PRKRIP1: variants seen among roughly 807,000 people sequenced by gnomAD.
PRKRIP1 encodes the protein PRKR interacting protein 1.
Under a neutral mutation model 29.3 loss-of-function variants are expected in PRKRIP1, and 29 were observed. The observed-to-expected ratio is 0.99, with a 90% CI of 0.74 to 1.35. The LOEUF (loss-of-function observed/expected upper bound fraction) is 1.35, where lower values mean the gene tolerates loss of function less well. Ranked by LOEUF, PRKRIP1 falls within the 40% of genes most tolerant of loss-of-function variation. The probability of loss-of-function intolerance (pLI) is 0.00; values close to 1 mark genes in which losing one functional copy is unlikely to be tolerated. For synonymous variants in PRKRIP1, 90 were observed against 85.1 expected, an observed-to-expected ratio of 1.06 and a Z score of -0.32; for missense variants, 247 against 236.8, an observed-to-expected ratio of 1.04 and a Z score of -0.28.
At chr7:102,400,603 C>G (rs1001444623) in intron 3 of PRKRIP1, among the ~76,000 whole-genome samples, 2 of 152,016 alleles carry the variant, frequency 1.3e-5, no homozygotes, top group African/African-American at 4.8e-5. Flanking sequence ...ACTGTACACT[C>G]GAGATCTGGG....
chr7:102,404,575 A>C, intron 3 of PRKRIP1, 23 bp from the exon 4 acceptor site: 1 of 1,604,238 alleles, frequency 6.2e-7, no homozygotes, highest in Non-Finnish European at 8.5e-7. Context: ...GAGCGTGTCT[A>C]AATGATGTGG....
intron 5 of PRKRIP1, among the ~76,000 whole-genome samples, chr7:102,416,127 A>G (rs545159472): frequency 6.6e-6 from 1 of 152,264 alleles, no homozygotes; most frequent in South Asian, 2.1e-4. Flanking sequence ...AGCCTGCCCC[A>G]TGGGGTTGTG....
At chr7:102,410,755 G>C (rs1796360087) in intron 5 of PRKRIP1, among the ~76,000 whole-genome samples, 1 of 152,112 alleles carries the variant, frequency 6.6e-6, no homozygotes, top group Admixed American at 6.5e-5. Flanking sequence ...GATTTTTGGA[G>C]GCCCTTACTC....
intron 4 of PRKRIP1, 102 bp downstream of exon 4, chr7:102,404,785 G>A: frequency 5.0e-6 from 4 of 800,136 alleles, no homozygotes; most frequent in Non-Finnish European, 6.1e-6. Context: ...TGACCTGTAG[G>A]GGTCATGAAT....
At chr7:102,422,363 GT>G (rs1796717580) in intron 5 of PRKRIP1, among the ~76,000 whole-genome samples, 1 of 149,976 alleles carries the variant, frequency 6.7e-6, no homozygotes, top group Non-Finnish European at 1.5e-5. Context: ...CTGAGACAGA[GT>G]TTCACTCTTG....
intron 5 of PRKRIP1, among the ~76,000 whole-genome samples, chr7:102,418,119 G>A (rs994402169): frequency 2.9e-4 from 43 of 150,422 alleles, no homozygotes; most frequent in African/African-American, 9.6e-4. Flanking sequence ...GTGCGATCTC[G>A]GCTCACTGCA....
chr7:102,402,455 T>TG (rs1347712089), intron 3 of PRKRIP1, among the ~76,000 whole-genome samples: 1 of 129,676 alleles, frequency 7.7e-6, no homozygotes, highest in East Asian at 2.3e-4. Flanking sequence ...AGAAAGGGGG[T>TG]GGGGGGTGGA....
At position 102,425,036 on chromosome 7, in the gene PRKRIP1, G is replaced by C; in HGVS notation, c.480G>C (p.Gln160His). ...KQEGPGQPKEQGSSSSAEASG... is the reference protein window; with the variant it reads ...KQEGPGQPKEHGSSSSAEASG... ...CAGGACCCGGTCAGCCCAAGGAGCAGGGGTCCAGCAGCTCTGCGGAGGCAT... is the reference window on the plus strand; with the variant it reads ...CAGGACCCGGTCAGCCCAAGGAGCACGGGTCCAGCAGCTCTGCGGAGGCAT... The change falls in exon 6 of 6, where the codon CAG becomes CAC. Residue 160 changes from glutamine (Q) to histidine (H), a missense_variant. Transcript: ENST00000397912. The C allele has an allele frequency of 6.2e-7, 1 of 1,613,818 alleles. No homozygotes were observed. Among genetic ancestry groups the C allele is most frequent in the Non-Finnish European group, 8.5e-7 (1 of 1,179,948 alleles).
chr7:102,420,844 A>G (rs1191037837), intron 5 of PRKRIP1, among the ~76,000 whole-genome samples: 1 of 152,180 alleles, frequency 6.6e-6, no homozygotes, highest in Non-Finnish European at 1.5e-5. Context: ...GCAGATACAC[A>G]ACACGGATTA....
chr7:102,408,772 G>C (rs1273816378), intron 5 of PRKRIP1, among the ~76,000 whole-genome samples: 1 of 152,202 alleles, frequency 6.6e-6, no homozygotes, highest in Non-Finnish European at 1.5e-5. Context: ...AGCTACTTGA[G>C]AGGCTGAGGC....
At chr7:102,411,557 A>G (rs1796383380) in intron 5 of PRKRIP1, among the ~76,000 whole-genome samples, 1 of 151,550 alleles carries the variant, frequency 6.6e-6, no homozygotes, top group Non-Finnish European at 1.5e-5. Context: ...GCTAATTTTT[A>G]TATTTTTAGT....
chr7:102,406,491 T>G (rs1258683270), intron 4 of PRKRIP1, among the ~76,000 whole-genome samples: 1 of 152,202 alleles, frequency 6.6e-6, no homozygotes, highest in Non-Finnish European at 1.5e-5. Flanking sequence ...GGCACCCACT[T>G]ACCGAGCTTT....
Position 102,425,662 on chromosome 7 carries a change from C to T in PRKRIP1, c.*551C>T, listed in dbSNP as rs574169652. 3.1e-5 allele frequency: 6 copies of T among 195,922 alleles called. No individual in the cohort carries two copies. Among genetic ancestry groups the T allele is most frequent in the East Asian group, 1.9e-4 (1 of 5,354 alleles). The allele number at this position is 195,922 out of a possible 1,614,324, so 12.1% of individuals were successfully genotyped here. A position where few individuals can be genotyped will look rare whatever the true frequency, so the allele number is the denominator to read the frequency against. ...GAGGGTCTGCTCCCACTGCAGCTCC[C>T]GGTGCTCTCGTGTTCTGGGAAGGCC... On this transcript the variant is annotated 3_prime_UTR_variant, in exon 6 of 6. Coordinates refer to ENST00000397912, the MANE Select transcript of PRKRIP1 (RefSeq NM_024653.4).
chr7:102,402,456 G>C (rs1172217986), intron 3 of PRKRIP1, among the ~76,000 whole-genome samples: 2 of 151,902 alleles, frequency 1.3e-5, no homozygotes, highest in Non-Finnish European at 2.9e-5. Flanking sequence ...GAAAGGGGGT[G>C]GGGGGTGGAG....
At chr7:102,403,136 G>C (rs1415338804) in intron 3 of PRKRIP1, among the ~76,000 whole-genome samples, 16 of 152,150 alleles carry the variant, frequency 1.1e-4, no homozygotes, top group African/African-American at 2.9e-4. Context: ...CAGCTTCCCA[G>C]TGTGCTGGGA....
chr7:102,399,487 T>G (rs1392518856), intron 2 of PRKRIP1, 61 bp from the exon 3 acceptor site: 4 of 1,343,270 alleles, frequency 3.0e-6, no homozygotes, highest in Admixed American at 1.7e-5. Context: ...CACCCTCGAT[T>G]AAGGGTGACC....
At chr7:102,416,972 C>T (rs1185452801) in intron 5 of PRKRIP1, among the ~76,000 whole-genome samples, 3 of 152,120 alleles carry the variant, frequency 2.0e-5, no homozygotes, top group Non-Finnish European at 4.4e-5. Flanking sequence ...TCTCCTGCCT[C>T]AGCCTCCTGA....
At chr7:102,414,833 C>T (rs1464996081) in intron 5 of PRKRIP1, among the ~76,000 whole-genome samples, 1 of 151,908 alleles carries the variant, frequency 6.6e-6, no homozygotes, top group Non-Finnish European at 1.5e-5. Flanking sequence ...CTGCAGTGAG[C>T]TGTGATTATG....
intron 5 of PRKRIP1, among the ~76,000 whole-genome samples, chr7:102,421,987 T>G (rs1183638057): frequency 5.3e-5 from 8 of 152,066 alleles, no homozygotes; most frequent in African/African-American, 1.9e-4. Context: ...GTTAAGCACT[T>G]ATGTGTGAAT....
Sources: allele counts gnomAD v4.1 joint callset (sites outside exome capture counted in the v4.1 genomes callset), GRCh38; gene constraint gnomAD v4.1.1; transcripts MANE v1.5; gene names NCBI Gene and HGNC (gene_info 2026-07-23, HGNC 2026-07-21).